The following TAFA5 variants were observed in gnomAD, a reference collection of about 807,000 sequenced individuals.
The protein encoded by TAFA5 is chemokine-like protein TAFA-5.
In TAFA5, 6 loss-of-function variants were observed where a neutral mutation model predicts 15.3. That is an observed-to-expected ratio of 0.39 (90% CI 0.21 to 0.77). The LOEUF is 0.77. Ranked by LOEUF, TAFA5 falls within the 30% of genes least tolerant of loss-of-function variation. TAFA5 has a pLI of 0.41. For missense variants in TAFA5, 161 were observed against 193.1 expected (o/e 0.83, Z 0.98); for synonymous variants, 103 against 80.7 (o/e 1.28, Z -1.48).
At chr22:48,664,614 C>T (rs528814993) in intron 2 of TAFA5, among the ~76,000 whole-genome samples, 7 of 152,166 alleles carry the variant, frequency 4.6e-5, no homozygotes, top group African/African-American at 7.2e-5. Context: ...GGCCCGATCT[C>T]ACCCCTCCCC....
intron 2 of TAFA5, among the ~76,000 whole-genome samples, chr22:48,658,803 CTGTGGCCACAG>C (rs982162742): frequency 1.3e-5 from 2 of 152,228 alleles, no homozygotes; most frequent in African/African-American, 4.8e-5. Flanking sequence ...AGGACCAGGC[CTGTGGCCACAG>C]TGTGGCCTCT....
intron 2 of TAFA5, among the ~76,000 whole-genome samples, chr22:48,689,363 G>A (rs11204500): frequency 0.13 from 20,262 of 152,038 alleles, 1,425 homozygotes; most frequent in Middle Eastern, 0.18. Context: ...GAGCACCCCC[G>A]TCTGCCTTGT....
At chr22:48,642,636 T>C (rs887568210) in intron 1 of TAFA5, among the ~76,000 whole-genome samples, 9 of 152,114 alleles carry the variant, frequency 5.9e-5, no homozygotes, top group African/African-American at 2.2e-4. Context: ...TGTGGGAGTG[T>C]ACATGCCGTG....
In TAFA5 at chr22:48,666,945, C is replaced by T. The variant is rs192810847; in HGVS notation, c.262+20199C>T. On this transcript the variant is annotated intron_variant, in intron 2 of 3. Transcript: ENST00000402357. ...GAGGAGGAGGGACTGAGGGAGTGGG[C>T]GTCCAGAGAGTCACCCAAGCACCCC... 9.2e-5 allele frequency among the ~76,000 whole-genome samples: 14 copies of T among 152,208 alleles called. No homozygotes were observed. The East Asian group carries it at 1.4e-3, about 15-fold the overall frequency.
At chr22:48,618,246 G>A (rs1925683519) in intron 1 of TAFA5, among the ~76,000 whole-genome samples, 1 of 152,186 alleles carries the variant, frequency 6.6e-6, no homozygotes, top group African/African-American at 2.4e-5. Context: ...CACAGGCTTA[G>A]CAGCGGCACA....
chr22:48,604,005 G>A (rs527502354), intron 1 of TAFA5, among the ~76,000 whole-genome samples: 4 of 152,166 alleles, frequency 2.6e-5, no homozygotes, highest in South Asian at 4.1e-4. Context: ...ACACCCACCC[G>A]GGAGTTTAGT....
chr22:48,522,265 T>TGGGCC (rs1921628271), intron 1 of TAFA5, among the ~76,000 whole-genome samples: 1 of 149,106 alleles, frequency 6.7e-6, no homozygotes, highest in Non-Finnish European at 1.5e-5. Flanking sequence ...GTGGCAGTTC[T>TGGGCC]GGGCCTTGTA....
chr22:48,518,805 C>T (rs1359469286), intron 1 of TAFA5, among the ~76,000 whole-genome samples: 1 of 152,234 alleles, frequency 6.6e-6, no homozygotes, highest in East Asian at 1.9e-4. Context: ...GACAGGCAAG[C>T]GGTGTCACCT....
At chr22:48,730,817 G>T (rs1467955858) in intron 3 of TAFA5, among the ~76,000 whole-genome samples, 1 of 152,066 alleles carries the variant, frequency 6.6e-6, no homozygotes, top group Admixed American at 6.5e-5. Context: ...CTCTCCACGG[G>T]CCTCCCTGTT....
intron 1 of TAFA5, among the ~76,000 whole-genome samples, chr22:48,589,421 CAG>C (rs753531333): frequency 1.3e-5 from 2 of 150,902 alleles, no homozygotes; most frequent in East Asian, 2.0e-4. Context: ...TCCCCAAAGA[CAG>C]AGCCACCTGG....
chr22:48,688,272 A>G (rs1251808204), intron 2 of TAFA5, among the ~76,000 whole-genome samples: 17 of 152,180 alleles, frequency 1.1e-4, no homozygotes, highest in Admixed American at 1.1e-3. Flanking sequence ...AATACATTCT[A>G]CTGTAACTAT....
intron 1 of TAFA5, among the ~76,000 whole-genome samples, chr22:48,599,364 G>A (rs73889126): frequency 0.01 from 1,582 of 152,344 alleles, 26 homozygotes; most frequent in African/African-American, 0.036. Context: ...GGGCTTGAAG[G>A]GCTGGGACAG....
At chr22:48,665,816 C>T (rs1052234975) in intron 2 of TAFA5, among the ~76,000 whole-genome samples, 4 of 152,064 alleles carry the variant, frequency 2.6e-5, no homozygotes, top group African/African-American at 7.2e-5. Flanking sequence ...TAGCGGCAGG[C>T]GCCCTCCCGA....
intron 1 of TAFA5, chr22:48,543,810 A>C (rs1265934565): frequency 3.9e-5 from 6 of 152,436 alleles, no homozygotes; most frequent in African/African-American, 1.4e-4. Flanking sequence ...CCCAGCAGGC[A>C]GCTTCCCTCC....
intron 1 of TAFA5, among the ~76,000 whole-genome samples, chr22:48,623,189 C>T (rs1271757614): frequency 1.3e-5 from 2 of 152,164 alleles, no homozygotes; most frequent in Non-Finnish European, 2.9e-5. Context: ...ATGGTTTCGC[C>T]AGCAGCCGCA....
intron 2 of TAFA5, among the ~76,000 whole-genome samples, chr22:48,698,036 G>A (rs1428062798): frequency 6.6e-6 from 1 of 151,198 alleles, no homozygotes; most frequent in East Asian, 2.0e-4. Context: ...AGATAATGGT[G>A]GCGATGGTGG....
At chr22:48,656,755 CTTTTTTTTTTTT>C (rs1223042941) in intron 2 of TAFA5, among the ~76,000 whole-genome samples, 2 of 14,884 alleles carry the variant, frequency 1.3e-4, no homozygotes, top group Non-Finnish European at 3.8e-4. Context: ...GATGGAGTCT[CTTTTTTTTTTTT>C]TTTTTTTTTT....
intron 1 of TAFA5, among the ~76,000 whole-genome samples, chr22:48,581,531 G>A (rs763547517): frequency 3.0e-4 from 45 of 152,242 alleles, no homozygotes; most frequent in Non-Finnish European, 1.9e-4. Flanking sequence ...CTCTGGGCGC[G>A]CGGAGCTGTA....
Position 48,743,731 on chromosome 22 carries a change from G to A in TAFA5, c.391-6108G>A, listed in dbSNP as rs184530195. On this transcript the variant is annotated intron_variant, in intron 3 of 3. Transcript: ENST00000402357. ...TGATGTCCAATCTGCCAGCCCAGCT[G>A]TGTTGGGGGAGCTCCTCTACCCTGA... is the stretch of plus-strand genomic sequence containing the variant. Among the ~76,000 whole-genome samples the A allele has an allele frequency of 2.1e-3, 314 of 152,344 alleles. 1 individual carries two copies. Among genetic ancestry groups the A allele is most frequent in the African/African-American group, 7.3e-3 (304 of 41,584 alleles).
Sources: allele counts gnomAD v4.1 joint callset (sites outside exome capture counted in the v4.1 genomes callset), GRCh38; gene constraint gnomAD v4.1.1; transcripts MANE v1.5; gene names NCBI Gene and HGNC (gene_info 2026-07-23, HGNC 2026-07-21).